ASAP1: variants seen among roughly 807,000 people sequenced by gnomAD.
The protein encoded by ASAP1 is ArfGAP with SH3 domain, ankyrin repeat and PH domain 1.
Under a neutral mutation model 145.2 loss-of-function variants are expected in ASAP1, and 43 were observed. That is an observed-to-expected ratio of 0.30 (90% CI 0.23 to 0.38). The LOEUF is 0.38. Ranked by LOEUF, ASAP1 falls within the 10% of genes least tolerant of loss-of-function variation. The probability of loss-of-function intolerance (pLI) is 1.00; values close to 1 mark genes in which losing one functional copy is unlikely to be tolerated. For synonymous variants in ASAP1, 546 were observed against 515.5 expected (o/e 1.06, Z -0.80); for missense variants, 1,018 against 1,355.3 (o/e 0.75, Z 3.91).
intron 3 of ASAP1, among the ~76,000 whole-genome samples, chr8:130,275,487 T>C (rs1385095967): frequency 6.6e-6 from 1 of 152,128 alleles, no homozygotes; most frequent in African/African-American, 2.4e-5. Flanking sequence ...ACAAAAGCTC[T>C]CCTCCTGGCT....
At chr8:130,300,153 CAGAGAG>C (rs369720584) in intron 3 of ASAP1, among the ~76,000 whole-genome samples, 245 of 76,878 alleles carry the variant, frequency 3.2e-3, no homozygotes, top group African/African-American at 6.0e-3. Flanking sequence ...CACACACACA[CAGAGAG>C]AGAGAGAGAG....
At chr8:130,314,922 G>A (rs1048023991) in intron 3 of ASAP1, among the ~76,000 whole-genome samples, 2 of 152,294 alleles carry the variant, frequency 1.3e-5, no homozygotes, top group African/African-American at 2.4e-5. Flanking sequence ...GAGAGAGAGA[G>A]AAAAAGTGGG....
intron 5 of ASAP1, among the ~76,000 whole-genome samples, chr8:130,207,631 A>C (rs1816311497): frequency 1.3e-5 from 2 of 152,236 alleles, no homozygotes; most frequent in South Asian, 4.1e-4. Context: ...CACACAAGTA[A>C]GATGCTGAGT....
At chr8:130,391,409 T>C (rs1485266655) in intron 2 of ASAP1, among the ~76,000 whole-genome samples, 1 of 152,238 alleles carries the variant, frequency 6.6e-6, no homozygotes, top group Non-Finnish European at 1.5e-5. Flanking sequence ...ACTGAATTGT[T>C]CTTAAAAACA....
At chr8:130,148,230 A>C (rs199577556) in intron 13 of ASAP1, among the ~76,000 whole-genome samples, 2 of 150,088 alleles carry the variant, frequency 1.3e-5, no homozygotes, top group East Asian at 2.0e-4. Flanking sequence ...GGAAAAAAAA[A>C]CCCTATGATA....
At chr8:130,291,022 G>GC (rs1821913240) in intron 3 of ASAP1, among the ~76,000 whole-genome samples, 1 of 152,180 alleles carries the variant, frequency 6.6e-6, no homozygotes, top group African/African-American at 2.4e-5. Flanking sequence ...AAGACGAGTT[G>GC]CCAAGTTATA....
chr8:130,073,015 G>A lies in ASAP1; in HGVS notation c.2701+3333C>T, dbSNP rs935701814. ...TGTTGATGATTGTTGTGATGTGAGAGCAGAGGAAAAACACAGTTAGAGAAT... is the reference window on the plus strand; with the variant it reads ...TGTTGATGATTGTTGTGATGTGAGAACAGAGGAAAAACACAGTTAGAGAAT... On this transcript the variant is annotated intron_variant, in intron 27 of 29. Coordinates refer to ENST00000518721, the MANE Select transcript of ASAP1 (RefSeq NM_018482.4). Among the ~76,000 whole-genome samples the A allele has an allele frequency of 2.0e-5, 3 of 150,442 alleles. 1 individual carries two copies. The highest frequency in any genetic ancestry group is 6.6e-5 in the Admixed American group (1 of 15,068).
At chr8:130,239,164 G>A (rs531056458) in intron 3 of ASAP1, among the ~76,000 whole-genome samples, 40 of 152,136 alleles carry the variant, frequency 2.6e-4, no homozygotes, top group Non-Finnish European at 4.9e-4. Flanking sequence ...TACCTGTCAT[G>A]CTGCATGTCA....
chr8:130,401,303 T>C (rs1051788527), intron 2 of ASAP1, among the ~76,000 whole-genome samples: 1 of 152,152 alleles, frequency 6.6e-6, no homozygotes, highest in African/African-American at 2.4e-5. Context: ...TGGAGTGCAA[T>C]GGTGCAATCT....
intron 25 of ASAP1, among the ~76,000 whole-genome samples, chr8:130,086,389 C>T (rs966701627): frequency 2.6e-5 from 4 of 152,358 alleles, no homozygotes; most frequent in Non-Finnish European, 5.9e-5. Flanking sequence ...CAATGCCCAG[C>T]ACTCTGTGAG....
intron 17 of ASAP1, among the ~76,000 whole-genome samples, chr8:130,125,656 G>C (rs1253820283): frequency 6.6e-6 from 1 of 152,054 alleles, no homozygotes; most frequent in Non-Finnish European, 1.5e-5. Flanking sequence ...ATTTCCACGA[G>C]TTATATGAAA....
chr8:130,236,809 T>C (rs1373372152), intron 4 of ASAP1, 113 bp downstream of exon 4: 13 of 738,814 alleles, frequency 1.8e-5, no homozygotes, highest in Non-Finnish European at 2.5e-5. Flanking sequence ...TTTACCTACT[T>C]ACTTTTCCAT....
intron 4 of ASAP1, among the ~76,000 whole-genome samples, chr8:130,220,714 T>C (rs1226662877): frequency 6.6e-6 from 1 of 152,094 alleles, no homozygotes; most frequent in East Asian, 1.9e-4. Flanking sequence ...TACCTGAGGC[T>C]GGGTAATTTA....
chr8:130,245,177 T>A (rs1818775574), intron 3 of ASAP1, among the ~76,000 whole-genome samples: 1 of 152,084 alleles, frequency 6.6e-6, no homozygotes, highest in Non-Finnish European at 1.5e-5. Flanking sequence ...GAAGGGGAAA[T>A]GACCAACCTA....
intron 5 of ASAP1, among the ~76,000 whole-genome samples, chr8:130,202,921 C>A (rs553554001): frequency 2.0e-5 from 3 of 152,302 alleles, no homozygotes; most frequent in African/African-American, 4.8e-5. Context: ...TAGTTCAAGA[C>A]TGCATCAGCG....
At chr8:130,411,814 G>T (rs2138644975) in intron 1 of ASAP1, among the ~76,000 whole-genome samples, 1 of 152,306 alleles carries the variant, frequency 6.6e-6, no homozygotes, top group African/African-American at 2.4e-5. Flanking sequence ...GTTTTATGTG[G>T]CTGGAAATCC....
chr8:130,131,842 G>A (rs1055860205), intron 15 of ASAP1, among the ~76,000 whole-genome samples: 2 of 152,092 alleles, frequency 1.3e-5, no homozygotes, highest in African/African-American at 4.8e-5. Flanking sequence ...CAACTTCAGG[G>A]TGGGCCATGT....
At position 130,126,102 on chromosome 8, in the gene ASAP1, T is replaced by A. The variant is rs201436100; in HGVS notation, c.1382-13A>T. The A allele has an allele frequency of 1.9e-6, 3 of 1,595,554 alleles. No homozygotes were observed. Among genetic ancestry groups the A allele is most frequent in the Non-Finnish European group, 2.6e-6 (3 of 1,174,116 alleles). On this transcript the variant is annotated splice_polypyrimidine_tract_variant and intron_variant, in intron 16 of 29. Transcript: ENST00000518721. ...AGCCAGGTGGGTTCTGTGGAAAGAA[T>A]GTTGAAGACAATGAAACAAAAAAGA...
chr8:130,086,248 C>G (rs13251129), intron 25 of ASAP1, among the ~76,000 whole-genome samples: 18,510 of 152,232 alleles, frequency 0.12, 1,266 homozygotes, highest in Non-Finnish European at 0.15. Flanking sequence ...TCCTGGCCCC[C>G]ACGTACTAGC....
Sources: gnomAD v4.1 joint callset for allele counts (sites outside exome capture counted in the v4.1 genomes callset) on GRCh38, gnomAD v4.1.1 for gene constraint, MANE v1.5 for transcripts, NCBI Gene and HGNC (gene_info 2026-07-23, HGNC 2026-07-21) for gene names.